C10orf67: variants seen among roughly 807,000 people sequenced by gnomAD.
The protein encoded by C10orf67 is chromosome 10 open reading frame 67.
C10orf67 carries 60 observed loss-of-function variants against 35.6 expected under a neutral mutation model. The observed-to-expected ratio is 1.68, with a 90% CI of 1.37 to 2.09. The LOEUF is 2.09. Among genes scored for constraint, C10orf67 ranks in the 30% most tolerant of loss-of-function variants. The pLI is 0.00. For synonymous variants in C10orf67, 167 were observed against 115.8 expected (o/e 1.44, Z -2.84); for missense variants, 474 against 330.2 (o/e 1.44, Z -3.38).
At chr10:23,269,794 C>T (rs538706901) in intron 8 of C10orf67, among the ~76,000 whole-genome samples, 44 of 151,494 alleles carry the variant, frequency 2.9e-4, no homozygotes, top group Non-Finnish European at 4.7e-4. Flanking sequence ...TAAAGAAAGA[C>T]ATATAATGAT....
intron 13 of C10orf67, among the ~76,000 whole-genome samples, chr10:23,233,088 T>TTGACTC (rs1158708531): frequency 6.6e-6 from 1 of 152,024 alleles, no homozygotes; most frequent in African/African-American, 2.4e-5. Context: ...GCTCAGAGGT[T>TTGACTC]TGATGTTACA....
intron 7 of C10orf67, among the ~76,000 whole-genome samples, chr10:23,286,228 CA>C: frequency 6.7e-6 from 1 of 149,732 alleles, no homozygotes; most frequent in South Asian, 2.1e-4. Context: ...CCTGTTTCTG[CA>C]AAAATAAAAA....
At chr10:23,207,851 G>A (rs891824044) in intron 15 of C10orf67, among the ~76,000 whole-genome samples, 2 of 152,096 alleles carry the variant, frequency 1.3e-5, no homozygotes, top group African/African-American at 4.8e-5. Context: ...TTGGTGAAAC[G>A]GCACCAAATA....
intron 2 of C10orf67, among the ~76,000 whole-genome samples, chr10:23,323,940 T>C (rs1845078126): frequency 1.0e-4 from 6 of 59,068 alleles, no homozygotes; most frequent in African/African-American, 5.5e-4. Context: ...TATATATATA[T>C]ATATATATAT....
At chr10:23,326,103 TGG>T (rs1431662354) in intron 2 of C10orf67, among the ~76,000 whole-genome samples, 1 of 152,070 alleles carries the variant, frequency 6.6e-6, no homozygotes, top group Non-Finnish European at 1.5e-5. Flanking sequence ...ATAGAAAAAG[TGG>T]GGTGGAACAA....
At chr10:23,291,090 C>T (rs755745835) in intron 6 of C10orf67, 42 bp downstream of exon 6, 13 of 686,652 alleles carry the variant, frequency 1.9e-5, no homozygotes, top group Non-Finnish European at 2.9e-5. Flanking sequence ...TACAAAGTGA[C>T]CAATATACAG....
intron 2 of C10orf67, among the ~76,000 whole-genome samples, chr10:23,327,780 G>A (rs1395773865): frequency 1.3e-5 from 2 of 151,362 alleles, no homozygotes; most frequent in South Asian, 2.1e-4. Context: ...AGAAGAGATC[G>A]CACCACTGCA....
chr10:23,298,085 C>A (rs1391331598), intron 5 of C10orf67, among the ~76,000 whole-genome samples: 1 of 152,100 alleles, frequency 6.6e-6, no homozygotes, highest in Admixed American at 6.5e-5. Context: ...GAAACCCCAT[C>A]TCCACTAAAA....
rs372849908 is a variant in C10orf67 at position 23,320,714 on chromosome 10, A to G, written c.546+27T>C. On this transcript the variant is annotated intron_variant, in intron 4 of 15. Coordinates refer to ENST00000636213, the MANE Select transcript of C10orf67 (RefSeq NM_001371909.1). ...GCAGCTGAAGCTAGCCTTGCCCACA[A>G]CTACGGCACCAGAAACAGAAACTCA... 135 of 1,551,682 alleles carry G rather than the reference A, an allele frequency of 8.7e-5. No homozygotes were observed. In the African/African-American group the frequency reaches 1.7e-3, roughly 20 times the overall value.
chr10:23,238,483 A>T (rs908740071), intron 13 of C10orf67, among the ~76,000 whole-genome samples: 1 of 152,188 alleles, frequency 6.6e-6, no homozygotes, highest in African/African-American at 2.4e-5. Flanking sequence ...GGTGAATTGC[A>T]TGGCCACTTG....
At chr10:23,290,998 A>C (rs1212491763) in intron 6 of C10orf67, 134 bp downstream of exon 6, 1 of 585,802 alleles carries the variant, frequency 1.7e-6, no homozygotes, top group East Asian at 2.8e-5. Context: ...ATAAAAAGCA[A>C]AGATGGCTAT....
At chr10:23,343,211 A>G (rs1845976432) in intron 1 of C10orf67, among the ~76,000 whole-genome samples, 1 of 152,204 alleles carries the variant, frequency 6.6e-6, no homozygotes, top group African/African-American at 2.4e-5. Flanking sequence ...CTAACCCCCA[A>G]GATGACGATA....
At chr10:23,342,702 C>T (rs761579627) in intron 1 of C10orf67, among the ~76,000 whole-genome samples, 9 of 152,222 alleles carry the variant, frequency 5.9e-5, no homozygotes, top group Non-Finnish European at 2.9e-5. Flanking sequence ...CTAATAAATG[C>T]TATTCACAAC....
chr10:23,269,100 CAGAT>C (rs1162134059), intron 8 of C10orf67, among the ~76,000 whole-genome samples: 3 of 152,154 alleles, frequency 2.0e-5, no homozygotes, highest in Non-Finnish European at 4.4e-5. Flanking sequence ...AATCATCCCT[CAGAT>C]AGAACCTGTG....
chr10:23,260,270 T>G (rs542127838), intron 10 of C10orf67, among the ~76,000 whole-genome samples: 1 of 152,094 alleles, frequency 6.6e-6, no homozygotes, highest in East Asian at 1.9e-4. Context: ...AAACTGTCAA[T>G]GCAGACTCAG....
chr10:23,306,898 T>C (rs1844305902), intron 4 of C10orf67, among the ~76,000 whole-genome samples: 1 of 152,210 alleles, frequency 6.6e-6, no homozygotes, highest in Non-Finnish European at 1.5e-5. Flanking sequence ...AAAAAGGTAA[T>C]AATAGTAAAT....
At chr10:23,303,157 G>T in intron 5 of C10orf67, 147 bp downstream of exon 5, 1 of 344,506 alleles carries the variant, frequency 2.9e-6, no homozygotes, top group Non-Finnish European at 5.3e-6. Flanking sequence ...AGGCCATTGA[G>T]CAGAAAAGAG....
intron 8 of C10orf67, among the ~76,000 whole-genome samples, chr10:23,279,281 G>A (rs762292541): frequency 6.6e-6 from 1 of 152,206 alleles, no homozygotes; most frequent in African/African-American, 2.4e-5. Flanking sequence ...ATTAGGCCAC[G>A]CTTGTGTCAT....
intron 15 of C10orf67, among the ~76,000 whole-genome samples, chr10:23,214,283 A>G (rs529035279): frequency 6.6e-6 from 1 of 152,300 alleles, no homozygotes; most frequent in Admixed American, 6.5e-5. Context: ...AATTAGAAGA[A>G]TAAAGAATGT....
Sources: gnomAD v4.1 joint callset for allele counts (sites outside exome capture counted in the v4.1 genomes callset) on GRCh38, gnomAD v4.1.1 for gene constraint, MANE v1.5 for transcripts, NCBI Gene and HGNC (gene_info 2026-07-23, HGNC 2026-07-21) for gene names.